Variants in PDE1A observed in about 807,000 individuals in gnomAD.
The protein encoded by PDE1A is phosphodiesterase 1A, also known as dual specificity calcium/calmodulin-dependent 3',5'-cyclic nucleotide phosphodiesterase 1A.
PDE1A carries 35 observed loss-of-function variants against 61.7 expected under a neutral mutation model. The observed-to-expected ratio is 0.57, with a 90% CI of 0.43 to 0.75. The LOEUF is 0.75. Ranked by LOEUF, PDE1A falls within the 30% of genes least tolerant of loss-of-function variation. The pLI is 0.00. For synonymous variants in PDE1A, 232 were observed against 213.2 expected (o/e 1.09, Z -0.77); for missense variants, 597 against 630.6 (o/e 0.95, Z 0.57).
intron 1 of PDE1A, among the ~76,000 whole-genome samples, chr2:182,361,801 A>G (rs1462042404): frequency 6.6e-6 from 1 of 151,990 alleles, no homozygotes; most frequent in Admixed American, 6.6e-5. Context: ...CTTAGTTGGG[A>G]AAAGGCAGGT....
chr2:182,435,444 A>G (rs1684336743), intron 2 of PDE1A, among the ~76,000 whole-genome samples: 1 of 152,054 alleles, frequency 6.6e-6, no homozygotes. Flanking sequence ...ACCATGCAAT[A>G]ATACGTGATT....
chr2:182,217,531 C>T lies in PDE1A; in HGVS notation c.776+6333G>A, dbSNP rs1318953897. On this transcript the variant is annotated intron_variant, in intron 7 of 13. Transcript: ENST00000351439. ...CGCAACCTACTCATCTGACAAAGGG[C>T]TAATATCCAGACTCTACAATGAACT... Among the ~76,000 whole-genome samples, 202 of 146,440 alleles carry T rather than the reference C, an allele frequency of 1.4e-3. 1 individual carries two copies. Among genetic ancestry groups the T allele is most frequent in the Middle Eastern group, 7.0e-3 (2 of 286 alleles).
intron 2 of PDE1A, among the ~76,000 whole-genome samples, chr2:182,520,408 A>C (rs544773817): frequency 6.6e-6 from 1 of 152,060 alleles, no homozygotes; most frequent in South Asian, 2.1e-4. Flanking sequence ...GAAAGAAAGA[A>C]ACTTGGTTAA....
intron 1 of PDE1A, among the ~76,000 whole-genome samples, chr2:182,320,748 G>A (rs536931155): frequency 1.3e-4 from 20 of 152,242 alleles, no homozygotes; most frequent in Admixed American, 5.2e-4. Context: ...AAAGACCTAT[G>A]ATTAATATAA....
At chr2:182,271,799 G>A (rs1693045368) in intron 1 of PDE1A, among the ~76,000 whole-genome samples, 1 of 152,082 alleles carries the variant, frequency 6.6e-6, no homozygotes, top group Non-Finnish European at 1.5e-5. Context: ...ACTCCTGGTA[G>A]ATTAAAAAAT....
At chr2:182,199,153 C>T (rs1468080945) in intron 10 of PDE1A, among the ~76,000 whole-genome samples, 2 of 151,746 alleles carry the variant, frequency 1.3e-5, no homozygotes, top group Non-Finnish European at 2.9e-5. Flanking sequence ...CATAATATTC[C>T]TCACCCTTTT....
intron 1 of PDE1A, among the ~76,000 whole-genome samples, chr2:182,360,531 T>A (rs1330877636): frequency 1.5e-5 from 1 of 68,740 alleles, no homozygotes; most frequent in Non-Finnish European, 3.3e-5. Context: ...AGTTTAGTGT[T>A]TTTTTTTTTT....
chr2:182,644,974 A>G, the PDE1A span, among the ~76,000 whole-genome samples: 1 of 147,858 alleles, frequency 6.8e-6, no homozygotes, highest in Non-Finnish European at 1.5e-5. Flanking sequence ...AAGCATGCCC[A>G]TGTCTTCTGT....
chr2:182,231,787 C>T (rs893447604), intron 4 of PDE1A, among the ~76,000 whole-genome samples: 18 of 151,788 alleles, frequency 1.2e-4, no homozygotes, highest in South Asian at 4.2e-4. Flanking sequence ...TGGTGGTGCA[C>T]GCCTGTAATC....
intron 1 of PDE1A, among the ~76,000 whole-genome samples, chr2:182,325,677 G>A (rs1206406534): frequency 6.6e-6 from 1 of 152,152 alleles, no homozygotes; most frequent in African/African-American, 2.4e-5. Flanking sequence ...CAGTAGTTTG[G>A]GAGGCCTAGG....
At chr2:182,332,127 C>A (rs893656845) in intron 1 of PDE1A, among the ~76,000 whole-genome samples, 4 of 152,102 alleles carry the variant, frequency 2.6e-5, no homozygotes, top group Non-Finnish European at 5.9e-5. Context: ...ATCCTTTCTT[C>A]CGCTTCATCG....
At chr2:182,638,893 G>A in the PDE1A span, among the ~76,000 whole-genome samples, 1 of 152,172 alleles carries the variant, frequency 6.6e-6, no homozygotes, top group African/African-American at 2.4e-5. Flanking sequence ...GCCATGTGGT[G>A]AGGAAAGTGT....
chr2:182,193,578 G>C (rs1202850046), intron 10 of PDE1A, among the ~76,000 whole-genome samples: 2 of 151,950 alleles, frequency 1.3e-5, no homozygotes, highest in Non-Finnish European at 2.9e-5. Context: ...GAAAATTTAA[G>C]GAATTTAGGC....
chr2:182,406,026 C>T (rs1224626453), intron 1 of PDE1A, among the ~76,000 whole-genome samples: 1 of 148,926 alleles, frequency 6.7e-6, no homozygotes, highest in Non-Finnish European at 1.5e-5. Context: ...GAAATTTTAC[C>T]AAAAAAAAAT....
At chr2:182,383,841 T>G (rs543723508) in intron 1 of PDE1A, among the ~76,000 whole-genome samples, 4 of 152,260 alleles carry the variant, frequency 2.6e-5, no homozygotes, top group African/African-American at 9.6e-5. Context: ...GAGATGCCAT[T>G]TGCTTGGAGG....
intron 2 of PDE1A, among the ~76,000 whole-genome samples, chr2:182,442,855 C>T (rs1349780835): frequency 6.6e-6 from 1 of 152,022 alleles, no homozygotes; most frequent in African/African-American, 2.4e-5. Context: ...AATTTTGCTA[C>T]ATCAAAACTT....
chr2:182,263,192 G>T (rs1384311249), intron 2 of PDE1A, among the ~76,000 whole-genome samples: 1 of 152,024 alleles, frequency 6.6e-6, no homozygotes, highest in African/African-American at 2.4e-5. Flanking sequence ...TTAGCAATGC[G>T]GTGCGAGAGG....
At chr2:182,698,964 G>C in the PDE1A span, among the ~76,000 whole-genome samples, 33 of 152,262 alleles carry the variant, frequency 2.2e-4, no homozygotes, top group Middle Eastern at 6.8e-3. Flanking sequence ...CCAAGGAATG[G>C]CTACAGACAC....
At chr2:182,686,516 G>C in the PDE1A span, among the ~76,000 whole-genome samples, 1 of 152,182 alleles carries the variant, frequency 6.6e-6, no homozygotes, top group Non-Finnish European at 1.5e-5. Flanking sequence ...AGTAATAGAG[G>C]AATTATAAGT....
Sources: allele counts gnomAD v4.1 joint callset (sites outside exome capture counted in the v4.1 genomes callset), GRCh38; gene constraint gnomAD v4.1.1; transcripts MANE v1.5; gene names NCBI Gene and HGNC (gene_info 2026-07-23, HGNC 2026-07-21).